The following FER variants were observed in gnomAD, a reference collection of about 807,000 sequenced individuals.
FER encodes FER tyrosine kinase.
A neutral mutation model predicts 111.0 loss-of-function variants in FER; 63 were observed. That is an observed-to-expected ratio of 0.57 (90% CI 0.46 to 0.70). FER has a LOEUF of 0.70. Among genes scored for constraint, FER ranks in the 30% least tolerant of loss-of-function variants. The pLI, the probability that FER is intolerant of heterozygous loss-of-function variation, is 0.00. For synonymous variants in FER, 327 were observed against 313.9 expected, an observed-to-expected ratio of 1.04 and a Z score of -0.44; for missense variants, 914 against 954.0, an observed-to-expected ratio of 0.96 and a Z score of 0.55.
At chr5:109,055,967 A>G (rs72790596) in intron 16 of FER, among the ~76,000 whole-genome samples, 4,812 of 152,298 alleles carry the variant, frequency 0.032, 98 homozygotes, top group Middle Eastern at 0.11. Context: ...GCCGACAGAT[A>G]TACGATAGGT....
intron 3 of FER, among the ~76,000 whole-genome samples, chr5:108,809,796 C>T (rs1226627403): frequency 6.6e-6 from 1 of 152,156 alleles, no homozygotes; most frequent in Non-Finnish European, 1.5e-5. Flanking sequence ...CTTCTGGGCT[C>T]AAGTGATCCT....
chr5:109,171,331 A>G (rs561024005), intron 17 of FER, among the ~76,000 whole-genome samples: 93 of 152,292 alleles, frequency 6.1e-4, no homozygotes, highest in Admixed American at 1.2e-3. Flanking sequence ...ATTAAAGAAA[A>G]CACTGGGTGA....
In FER at chr5:109,179,500, C is replaced by T. The variant is rs531484522; in HGVS notation, c.2049-1247C>T. Among the ~76,000 whole-genome samples, 12 of 152,266 alleles carry T rather than the reference C, an allele frequency of 7.9e-5. 1 individual carries two copies. Among genetic ancestry groups the T allele is most frequent in the African/African-American group, 2.4e-4 (10 of 41,552 alleles). ...TTACTCTAGTGAATAACATCGATTA[C>T]TTTTAAAATGTTAAACCAACCTTGT... is the stretch of plus-strand genomic sequence containing the variant. On this transcript the variant is annotated intron_variant, in intron 17 of 19. Transcript: ENST00000281092.
At chr5:109,043,396 T>A (rs1007500763) in intron 14 of FER, among the ~76,000 whole-genome samples, 1 of 152,202 alleles carries the variant, frequency 6.6e-6, no homozygotes, top group East Asian at 1.9e-4. Context: ...GTTTACTGTT[T>A]AAGTATATTT....
intron 5 of FER, among the ~76,000 whole-genome samples, chr5:108,855,586 A>G (rs1394480602): frequency 2.8e-5 from 4 of 140,984 alleles, no homozygotes; most frequent in Non-Finnish European, 4.5e-5. Context: ...GCGCCACTGC[A>G]CTCCAGCGAA....
At chr5:109,011,400 T>G (rs1298380531) in intron 13 of FER, among the ~76,000 whole-genome samples, 1 of 152,204 alleles carries the variant, frequency 6.6e-6, no homozygotes, top group African/African-American at 2.4e-5. Context: ...TAAGGTACTT[T>G]CTGGTTTGTC....
At chr5:108,938,388 T>A (rs545163057) in intron 10 of FER, among the ~76,000 whole-genome samples, 56 of 152,060 alleles carry the variant, frequency 3.7e-4, no homozygotes, top group African/African-American at 1.3e-3. Context: ...TAAGAAGAGT[T>A]TGAAATGGTT....
At chr5:108,783,124 A>G (rs1754284239) in intron 2 of FER, among the ~76,000 whole-genome samples, 2 of 152,012 alleles carry the variant, frequency 1.3e-5, no homozygotes, top group Non-Finnish European at 2.9e-5. Flanking sequence ...TTGTTGTCCC[A>G]CAGGTCCGTG....
rs1225482760 is a variant in FER, at chr5:109,037,489, A to G, written c.1713+11A>G. ...GAATTACTGGGCAAGGTATGTAATCAACTGAGCTAAATAACCAGAAGTCTC... is the reference window on the plus strand; with the variant it reads ...GAATTACTGGGCAAGGTATGTAATCGACTGAGCTAAATAACCAGAAGTCTC... On this transcript the variant is annotated intron_variant, in intron 14 of 19. Coordinates refer to ENST00000281092, the MANE Select transcript of FER (RefSeq NM_005246.4). 1 of 1,607,564 alleles carries G rather than the reference A, an allele frequency of 6.2e-7. No homozygotes were observed. Among genetic ancestry groups the G allele is most frequent in the Admixed American group, 1.7e-5 (1 of 59,810 alleles).
At chr5:109,089,573 A>G (rs889219005) in intron 16 of FER, among the ~76,000 whole-genome samples, 2 of 152,182 alleles carry the variant, frequency 1.3e-5, no homozygotes, top group Non-Finnish European at 2.9e-5. Context: ...CACTGACTTA[A>G]TAGCAATGTA....
intron 3 of FER, among the ~76,000 whole-genome samples, chr5:108,815,955 C>T (rs796656190): frequency 1.3e-5 from 2 of 152,048 alleles, no homozygotes; most frequent in South Asian, 4.1e-4. Context: ...GAAATCATTT[C>T]AACATTTAAA....
chr5:108,840,897 T>C (rs1448835442), intron 5 of FER, among the ~76,000 whole-genome samples: 2 of 152,144 alleles, frequency 1.3e-5, no homozygotes, highest in Admixed American at 6.5e-5. Context: ...TTGGCATGTG[T>C]GAATAACCTA....
chr5:109,154,310 T>C (rs1755143649), intron 17 of FER, among the ~76,000 whole-genome samples: 1 of 151,968 alleles, frequency 6.6e-6, no homozygotes, highest in African/African-American at 2.4e-5. Flanking sequence ...TCTTCCTTGA[T>C]GAAGTGTATC....
intron 17 of FER, among the ~76,000 whole-genome samples, chr5:109,143,414 C>A (rs1295980840): frequency 1.3e-5 from 2 of 152,064 alleles, no homozygotes; most frequent in Admixed American, 6.6e-5. Context: ...GAAAACAGAA[C>A]CCTAACTAGG....
intron 17 of FER, among the ~76,000 whole-genome samples, chr5:109,138,943 T>C (rs1315088381): frequency 6.6e-6 from 1 of 152,204 alleles, no homozygotes; most frequent in Admixed American, 6.5e-5. Context: ...AGTACATTTC[T>C]AACAGAAGTA....
chr5:108,801,701 T>C (rs1561440942), intron 3 of FER, among the ~76,000 whole-genome samples: 1 of 152,250 alleles, frequency 6.6e-6, no homozygotes, highest in Non-Finnish European at 1.5e-5. Context: ...AGATTCATTC[T>C]TACTGTAGCT....
At chr5:108,844,417 T>C (rs1317397263) in intron 5 of FER, among the ~76,000 whole-genome samples, 1 of 152,130 alleles carries the variant, frequency 6.6e-6, no homozygotes, top group African/African-American at 2.4e-5. Flanking sequence ...CAAATAAAGG[T>C]TTATATATTG....
intron 4 of FER, among the ~76,000 whole-genome samples, chr5:108,833,688 CAG>C (rs142739858): frequency 0.069 from 10,491 of 152,068 alleles, 392 homozygotes; most frequent in Non-Finnish European, 0.081. Flanking sequence ...TCCTGGCTAA[CAG>C]GGTGAAACCC....
intron 9 of FER, among the ~76,000 whole-genome samples, chr5:108,885,145 T>G (rs1278194550): frequency 6.6e-6 from 1 of 151,954 alleles, no homozygotes; most frequent in Non-Finnish European, 1.5e-5. Flanking sequence ...TTACTCTCTC[T>G]CAGATTTATT....
Sources: allele counts gnomAD v4.1 joint callset (sites outside exome capture counted in the v4.1 genomes callset), GRCh38; gene constraint gnomAD v4.1.1; transcripts MANE v1.5; gene names NCBI Gene and HGNC (gene_info 2026-07-23, HGNC 2026-07-21).